CCDC192: variants seen among roughly 807,000 people sequenced by gnomAD.
CCDC192 encodes the protein coiled-coil domain containing 192, also known as coiled-coil domain-containing protein 192.
intron 5 of CCDC192, among the ~76,000 whole-genome samples, chr5:127,811,792 A>T (rs187434838): frequency 2.0e-5 from 3 of 152,276 alleles, no homozygotes; most frequent in African/African-American, 7.2e-5. Context: ...TGATAGAGTC[A>T]TTGGCAAGGT....
intron 2 of CCDC192, among the ~76,000 whole-genome samples, chr5:127,740,978 G>C (rs945196112): frequency 6.6e-6 from 1 of 152,240 alleles, no homozygotes; most frequent in Non-Finnish European, 1.5e-5. Flanking sequence ...TTTTCAAATG[G>C]CAAACGTATT....
chr5:127,885,680 A>T (rs866357559), intron 6 of CCDC192, among the ~76,000 whole-genome samples: 5 of 152,202 alleles, frequency 3.3e-5, no homozygotes, highest in Middle Eastern at 3.2e-3. Context: ...ATCAAATCAA[A>T]TTTAGAAAGG....
intron 5 of CCDC192, among the ~76,000 whole-genome samples, chr5:127,873,950 C>T (rs1751964850): frequency 6.6e-6 from 1 of 152,178 alleles, no homozygotes; most frequent in South Asian, 2.1e-4. Flanking sequence ...AGCTTGGTCT[C>T]TCCTGAATTA....
intron 5 of CCDC192, among the ~76,000 whole-genome samples, chr5:127,869,521 G>C (rs1480784024): frequency 6.6e-6 from 1 of 152,148 alleles, no homozygotes; most frequent in Non-Finnish European, 1.5e-5. Context: ...TCTACTATTA[G>C]AAAGTTCTAT....
chr5:127,793,098 AC>A (rs1756973301), intron 3 of CCDC192, among the ~76,000 whole-genome samples: 1 of 152,180 alleles, frequency 6.6e-6, no homozygotes, highest in African/African-American at 2.4e-5. Flanking sequence ...CATGCAATAT[AC>A]CCATGTAACA....
intron 5 of CCDC192, among the ~76,000 whole-genome samples, chr5:127,842,417 C>T (rs1750330654): frequency 6.6e-6 from 1 of 152,104 alleles, no homozygotes; most frequent in East Asian, 1.9e-4. Flanking sequence ...GTGGTCTTGC[C>T]ATCTTCCCCA....
chr5:127,827,902 G>T (rs1002177144), intron 5 of CCDC192, among the ~76,000 whole-genome samples: 2 of 152,038 alleles, frequency 1.3e-5, no homozygotes, highest in Non-Finnish European at 2.9e-5. Context: ...CCCATTATTT[G>T]CTAAGAATTT....
chr5:127,740,190 T>C (rs543999892), intron 2 of CCDC192: 9 of 152,370 alleles, frequency 5.9e-5, no homozygotes, highest in Non-Finnish European at 1.3e-4. Context: ...GTTCTCATTT[T>C]ACAGATGGGA....
chr5:127,863,282 A>G (rs1751450969), intron 5 of CCDC192, among the ~76,000 whole-genome samples: 1 of 152,240 alleles, frequency 6.6e-6, no homozygotes, highest in African/African-American at 2.4e-5. Context: ...GGATGAATGA[A>G]TAAACAATAT....
intron 6 of CCDC192, among the ~76,000 whole-genome samples, chr5:127,908,132 T>C (rs1418322276): frequency 2.6e-5 from 4 of 152,212 alleles, no homozygotes; most frequent in African/African-American, 4.8e-5. Context: ...TCTCGTCTTA[T>C]ACACACACAG....
At chr5:127,818,111 G>A (rs932680928) in intron 5 of CCDC192, among the ~76,000 whole-genome samples, 11 of 152,080 alleles carry the variant, frequency 7.2e-5, no homozygotes, top group Admixed American at 2.6e-4. Flanking sequence ...ATCAATGGGC[G>A]TAGTGATTTT....
intron 5 of CCDC192, among the ~76,000 whole-genome samples, chr5:127,800,402 C>CAAAAAAAAAAAAAAA (rs772597286): frequency 2.3e-5 from 2 of 88,286 alleles, no homozygotes; most frequent in African/African-American, 9.7e-5. Context: ...AAAAAAAAAA[C>CAAAAAAAAAAAAAAA]AACAACAACA....
chr5:127,800,830 GA>G (rs1476783797), intron 5 of CCDC192, among the ~76,000 whole-genome samples: 5 of 152,054 alleles, frequency 3.3e-5, no homozygotes, highest in Non-Finnish European at 7.4e-5. Context: ...GTCAGGCCCT[GA>G]ATATGTTTCT....
At chr5:127,756,601 T>C (rs1328798931) in intron 3 of CCDC192, among the ~76,000 whole-genome samples, 1 of 152,228 alleles carries the variant, frequency 6.6e-6, no homozygotes, top group Non-Finnish European at 1.5e-5. Flanking sequence ...TTTACAATAG[T>C]GATGTTATCC....
chr5:127,866,528 A>T (rs1330894629), intron 5 of CCDC192, among the ~76,000 whole-genome samples: 2 of 150,386 alleles, frequency 1.3e-5, no homozygotes, highest in African/African-American at 4.9e-5. Flanking sequence ...AATTGCAGCT[A>T]TATAATATTC....
intron 5 of CCDC192, among the ~76,000 whole-genome samples, chr5:127,818,505 A>G (rs369601780): frequency 6.6e-6 from 1 of 152,280 alleles, no homozygotes; most frequent in East Asian, 1.9e-4. Flanking sequence ...CAAAGTTTGG[A>G]ATTACTGCTA....
chr5:127,930,733 G>A (rs1754004275), intron 6 of CCDC192, among the ~76,000 whole-genome samples: 1 of 152,178 alleles, frequency 6.6e-6, no homozygotes, highest in Non-Finnish European at 1.5e-5. Context: ...GATGAGCTAA[G>A]TAAGTTAGCC....
chr5:127,812,480 G>T (rs1758132337), intron 5 of CCDC192, among the ~76,000 whole-genome samples: 1 of 152,132 alleles, frequency 6.6e-6, no homozygotes, highest in South Asian at 2.1e-4. Context: ...TGCTGCTATT[G>T]TTGCCTTGTC....
At chr5:127,833,202 C>T (rs1000629500) in intron 5 of CCDC192, among the ~76,000 whole-genome samples, 1 of 152,152 alleles carries the variant, frequency 6.6e-6, no homozygotes, top group African/African-American at 2.4e-5. Context: ...AATAGATAAT[C>T]AGCTAATTAA....
Sources: allele counts gnomAD v4.1 joint callset (sites outside exome capture counted in the v4.1 genomes callset), GRCh38; gene constraint gnomAD v4.1.1; transcripts MANE v1.5; gene names NCBI Gene and HGNC (gene_info 2026-07-23, HGNC 2026-07-21).